ARPC4: variants seen among roughly 807,000 people sequenced by gnomAD.
ARPC4 encodes the protein actin-related protein 2/3 complex subunit 4.
Under a neutral mutation model 22.8 loss-of-function variants are expected in ARPC4, and 3 were observed. That is an observed-to-expected ratio of 0.13 (90% CI 0.06 to 0.34). ARPC4 has a LOEUF of 0.34. Ranked by LOEUF, ARPC4 falls within the 10% of genes least tolerant of loss-of-function variation. The pLI, the probability that ARPC4 is intolerant of heterozygous loss-of-function variation, is 1.00. For synonymous variants in ARPC4, 80 were observed against 72.5 expected (o/e 1.10, Z -0.52); for missense variants, 98 against 211.0 (o/e 0.46, Z 3.32).
In ARPC4 at chr3:9,800,310, G is replaced by A; in HGVS notation, c.234+14G>A. ...GCTGTGAAACAGGTAAGTTCACCAT[G>A]GAGGAGGCCCAACGTAAGGCCTCTT... On this transcript the variant is annotated intron_variant, in intron 3 of 5. Coordinates refer to ENST00000397261, the MANE Select transcript of ARPC4 (RefSeq NM_005718.5). 2 of 1,613,600 alleles carry A rather than the reference G, an allele frequency of 1.2e-6. No homozygotes were observed. The highest frequency in any genetic ancestry group is 2.2e-5 in the East Asian group (1 of 44,882).
In ARPC4 at chr3:9,801,698, T is replaced by C. The variant is rs2079013606; in HGVS notation, c.272T>C (p.Met91Thr). ...GAGAAGATTTTGTGCCACAAGTTCA[T>C]GCGCTTCATGATGATGCGAGCAGAG... ...EIEKILCHKF[M>T]RFMMMRAENF... The change falls in exon 4 of 6, where the codon ATG becomes ACG. Residue 91 changes from methionine (M) to threonine (T), a missense_variant. Physicochemically the swap from Met to Thr is moderately conservative, Grantham distance 81. Transcript: ENST00000397261. The C allele has an allele frequency of 6.2e-7, 1 of 1,610,004 alleles. No individual in the cohort carries two copies. The highest frequency in any genetic ancestry group is 8.5e-7 in the Non-Finnish European group (1 of 1,177,804).
chr3:9,799,486 A>T (rs1270946614), intron 2 of ARPC4, among the ~76,000 whole-genome samples: 1 of 149,702 alleles, frequency 6.7e-6, no homozygotes, highest in African/African-American at 2.5e-5. Flanking sequence ...TCTGTCACCC[A>T]GGCTGGAGTA....
chr3:9,792,721 GAA>G (rs2078770734), upstream of ARPC4: 1 of 1,234,458 alleles, frequency 8.1e-7, no homozygotes, highest in Non-Finnish European at 1.0e-6. Context: ...AGGGGCGAGA[GAA>G]AGGATGGGGG....
chr3:9,806,100 C>T (rs1347162718), intron 5 of ARPC4, 110 bp from the exon 6 acceptor site: 9 of 1,315,514 alleles, frequency 6.8e-6, no homozygotes, highest in Non-Finnish European at 9.9e-6. Context: ...AACTCTGCCC[C>T]TCACAGATAT....
chr3:9,792,870 G>A, upstream of ARPC4: 4 of 1,379,984 alleles, frequency 2.9e-6, no homozygotes, highest in South Asian at 1.7e-5. Flanking sequence ...GGCACAAAGG[G>A]AAGCTGCACC....
intron 2 of ARPC4, among the ~76,000 whole-genome samples, chr3:9,799,194 G>A (rs559508776): frequency 2.7e-4 from 41 of 152,328 alleles, no homozygotes; most frequent in Admixed American, 2.2e-3. Flanking sequence ...GATAATTAAA[G>A]GAAGCCAAAC....
intron 1 of ARPC4, 52 bp from the exon 2 acceptor site, chr3:9,797,607 G>A: frequency 1.9e-6 from 3 of 1,586,604 alleles, no homozygotes; most frequent in Non-Finnish European, 1.7e-6. Context: ...GGATCGGTGG[G>A]TTTGGCGTGA....
At chr3:9,802,306 C>G (rs574326617) in intron 4 of ARPC4, among the ~76,000 whole-genome samples, 173 of 148,976 alleles carry the variant, frequency 1.2e-3, no homozygotes, top group African/African-American at 4.1e-3. Context: ...AGCCTATAGT[C>G]TAGCATCAGA....
At chr3:9,800,431 C>A in intron 3 of ARPC4, 135 bp downstream of exon 3, 1 of 805,542 alleles carries the variant, frequency 1.2e-6, no homozygotes, top group Non-Finnish European at 1.9e-6. Context: ...GCCTCTGCTT[C>A]CTTTTTTTTT....
chr3:9,802,683 TC>T (rs57180080), intron 4 of ARPC4, among the ~76,000 whole-genome samples: 91,485 of 129,172 alleles, frequency 0.71, 33,092 homozygotes, highest in Middle Eastern at 0.87. Flanking sequence ...CCTTTTTTTT[TC>T]TTTTTTTGAG....
chr3:9,799,162 G>T (rs181703683), intron 2 of ARPC4, among the ~76,000 whole-genome samples: 1 of 152,216 alleles, frequency 6.6e-6, no homozygotes, highest in African/African-American at 2.4e-5. Flanking sequence ...GGTCTCAGAG[G>T]CAAATGAATC....
intron 1 of ARPC4, among the ~76,000 whole-genome samples, chr3:9,795,281 T>G (rs1157658954): frequency 6.6e-6 from 1 of 152,198 alleles, no homozygotes; most frequent in African/African-American, 2.4e-5. Flanking sequence ...ATTACAGGCG[T>G]GAGCCCCTGG....
chr3:9,797,872 C>T (rs2078928507), intron 2 of ARPC4, 95 bp downstream of exon 2: 1 of 1,264,904 alleles, frequency 7.9e-7, no homozygotes, highest in Admixed American at 2.6e-5. Context: ...CTGCAGTAGT[C>T]AGGAAAGCTG....
At chr3:9,792,550 G>T (rs892552212), upstream of ARPC4, 17 of 1,227,286 alleles carry the variant, frequency 1.4e-5, no homozygotes, top group East Asian at 6.4e-5. Flanking sequence ...TTTGCCGGGG[G>T]TGGGAAGAAG....
chr3:9,803,544 G>GT lies in ARPC4; in HGVS notation c.331-298dup, dbSNP rs780319247. On this transcript the variant is annotated intron_variant, in intron 4 of 5. Transcript: ENST00000397261. ...CCCTGTTGTTTGATTAGATTATTCTGTAACAAGACTTCAAGTTCCTTGACT... is the reference window on the plus strand; with the variant it reads ...CCCTGTTGTTTGATTAGATTATTCTGTTAACAAGACTTCAAGTTCCTTGACT... 2.0e-5 allele frequency: 11 copies of GT among 540,160 alleles called. No homozygotes were observed. The African/African-American group carries it at 2.1e-4, about 10-fold the overall frequency. The allele number at this position is 540,160 out of a possible 1,614,324, so 33.5% of individuals were successfully genotyped here.
intron 2 of ARPC4, chr3:9,797,993 T>G: frequency 1.8e-6 from 1 of 554,274 alleles, no homozygotes; most frequent in Non-Finnish European, 3.2e-6. Context: ...ACAAGATTGG[T>G]TAACACAAGG....
In ARPC4 at chr3:9,806,483, C is replaced by G. The variant is rs143104751; in HGVS notation, c.*268C>G. The G allele has an allele frequency of 3.7e-6, 2 of 534,116 alleles. No individual in the cohort carries two copies. The highest frequency in any genetic ancestry group is 6.6e-5 in the East Asian group (2 of 30,432). The allele number at this position is 534,116 out of a possible 1,614,324, so 33.1% of individuals were successfully genotyped here. ...TTTTTTTAACGTCTTGAAACTTAAA[C>G]TCTGTGCTTGTAGGATACTGTAACC... On this transcript the variant is annotated 3_prime_UTR_variant, in exon 6 of 6. Coordinates refer to ENST00000397261, the MANE Select transcript of ARPC4 (RefSeq NM_005718.5).
rs779091461 is a variant in ARPC4, at chr3:9,800,294, CA to C, written c.233del (p.Gln78ArgfsTer17). On this transcript the variant is annotated frameshift_variant and splice_region_variant, in exon 3 of 6. Transcript: ENST00000397261. LOFTEE classifies it high-confidence loss of function. Reference sequence around the variant, plus strand: ...TGTCCGGGTCAGCATTGCTGTGAAACAGGTAAGTTCACCATGGAGGAGGCCC... The same window carrying C: ...TGTCCGGGTCAGCATTGCTGTGAAACGGTAAGTTCACCATGGAGGAGGCCC... ...NSVRVSIAVK[Q>X]ADEIEKILCH... 1 of 1,614,034 alleles carries C rather than the reference CA, an allele frequency of 6.2e-7. No homozygotes were observed. The highest frequency in any genetic ancestry group is 1.3e-5 in the African/African-American group (1 of 75,012).
chr3:9,794,814 T>A (rs2078846712), intron 1 of ARPC4, among the ~76,000 whole-genome samples: 1 of 152,186 alleles, frequency 6.6e-6, no homozygotes, highest in South Asian at 2.1e-4. Context: ...TACTGATTTT[T>A]CCCCCCTGTA....
Sources: gnomAD v4.1 joint callset for allele counts (sites outside exome capture counted in the v4.1 genomes callset) on GRCh38, gnomAD v4.1.1 for gene constraint, MANE v1.5 for transcripts, NCBI Gene and HGNC (gene_info 2026-07-23, HGNC 2026-07-21) for gene names.